SIPA1L1: variants seen among roughly 807,000 people sequenced by gnomAD.
The protein encoded by SIPA1L1 is signal-induced proliferation-associated 1-like protein 1.
Under a neutral mutation model 162.7 loss-of-function variants are expected in SIPA1L1, and 26 were observed. The observed-to-expected ratio is 0.16, with a 90% CI of 0.12 to 0.22. The LOEUF is 0.22. Ranked by LOEUF, SIPA1L1 falls within the 10% of genes least tolerant of loss-of-function variation. The pLI, the probability that SIPA1L1 is intolerant of heterozygous loss-of-function variation, is 1.00. For synonymous variants in SIPA1L1, 829 were observed against 837.4 expected, an observed-to-expected ratio of 0.99 and a Z score of 0.17; for missense variants, 1,874 against 2,241.0, an observed-to-expected ratio of 0.84 and a Z score of 3.31.
intron 2 of SIPA1L1, among the ~76,000 whole-genome samples, chr14:71,428,369 G>GT (rs2043738200): frequency 6.6e-6 from 1 of 150,818 alleles, no homozygotes; most frequent in Non-Finnish European, 1.5e-5. Context: ...TATGATTTGC[G>GT]GTTTTTTTTT....
chr14:71,442,957 A>T (rs2045028769), intron 2 of SIPA1L1, among the ~76,000 whole-genome samples: 1 of 152,122 alleles, frequency 6.6e-6, no homozygotes, highest in South Asian at 2.1e-4. Flanking sequence ...AAACAAAAAG[A>T]TTTGATAATC....
chr14:71,385,512 T>C (rs1469094125), intron 2 of SIPA1L1, among the ~76,000 whole-genome samples: 1 of 152,210 alleles, frequency 6.6e-6, no homozygotes, highest in Non-Finnish European at 1.5e-5. Context: ...CCAATAGATG[T>C]ATGCTGTGCC....
intron 2 of SIPA1L1, among the ~76,000 whole-genome samples, chr14:71,428,225 A>T (rs533418822): frequency 6.6e-6 from 1 of 151,760 alleles, no homozygotes; most frequent in African/African-American, 2.4e-5. Flanking sequence ...CGAACTCCTG[A>T]CCTCAGGTGA....
chr14:71,730,208 AACG>A lies in SIPA1L1; in HGVS notation c.4772_4774del (p.Asp1591del). ...GTCACTTCTGGACCAAGCCCTGCCCAACGACGTCCTCTTCAGTAGCACGTACCC... is the reference window on the plus strand; with the variant it reads ...GTCACTTCTGGACCAAGCCCTGCCCAACGTCCTCTTCAGTAGCACGTACCC... On this transcript the variant is annotated inframe_deletion, in exon 20 of 24. Coordinates refer to ENST00000381232, the MANE Select transcript of SIPA1L1 (RefSeq NM_001386936.1). 6.2e-7 allele frequency: 1 copy of A among 1,614,146 alleles called. No individual in the cohort carries two copies. The highest frequency in any genetic ancestry group is 8.5e-7 in the Non-Finnish European group (1 of 1,180,030).
intron 2 of SIPA1L1, among the ~76,000 whole-genome samples, chr14:71,502,697 A>C (rs1348648518): frequency 6.6e-6 from 1 of 152,138 alleles, no homozygotes; most frequent in Non-Finnish European, 1.5e-5. Flanking sequence ...TAATCCAGAG[A>C]GACTATTTTT....
intron 2 of SIPA1L1, among the ~76,000 whole-genome samples, chr14:71,425,443 A>G (rs2043494488): frequency 1.3e-5 from 2 of 151,976 alleles, no homozygotes; most frequent in Non-Finnish European, 2.9e-5. Context: ...AGTATTTTCT[A>G]ATTTCCCCTG....
intron 2 of SIPA1L1, among the ~76,000 whole-genome samples, chr14:71,511,445 T>C (rs375764451): frequency 6.6e-6 from 1 of 152,052 alleles, no homozygotes; most frequent in East Asian, 1.9e-4. Context: ...CCACCATGCC[T>C]GGCTAAATTT....
At chr14:71,372,997 C>T (rs2039029342) in intron 2 of SIPA1L1, among the ~76,000 whole-genome samples, 1 of 152,094 alleles carries the variant, frequency 6.6e-6, no homozygotes, top group South Asian at 2.1e-4. Flanking sequence ...TAACAAACAT[C>T]TAAAGGAATG....
chr14:71,389,428 T>G (rs936457352), intron 2 of SIPA1L1, among the ~76,000 whole-genome samples: 1 of 152,228 alleles, frequency 6.6e-6, no homozygotes, highest in Non-Finnish European at 1.5e-5. Flanking sequence ...TGATTGATGA[T>G]CATTGCTCAG....
chr14:71,638,607 A>G (rs1018733701), intron 7 of SIPA1L1, among the ~76,000 whole-genome samples: 1 of 152,252 alleles, frequency 6.6e-6, no homozygotes, highest in Non-Finnish European at 1.5e-5. Flanking sequence ...AGGGAAGGAT[A>G]TGTGCTGTTA....
At chr14:71,350,075 A>C (rs1490872930) in intron 2 of SIPA1L1, among the ~76,000 whole-genome samples, 1 of 152,128 alleles carries the variant, frequency 6.6e-6, no homozygotes, top group Non-Finnish European at 1.5e-5. Flanking sequence ...GAGTAAAGTG[A>C]TTATGAAAAA....
intron 5 of SIPA1L1, among the ~76,000 whole-genome samples, chr14:71,606,124 G>A (rs1381346315): frequency 6.6e-6 from 1 of 152,174 alleles, no homozygotes; most frequent in African/African-American, 2.4e-5. Flanking sequence ...GGTGGGGATG[G>A]CAGTGGCTGC....
At chr14:71,387,922 G>A (rs1464733955) in intron 2 of SIPA1L1, among the ~76,000 whole-genome samples, 1 of 152,220 alleles carries the variant, frequency 6.6e-6, no homozygotes, top group Non-Finnish European at 1.5e-5. Flanking sequence ...TGCTAAAGAT[G>A]AATCCAAGTT....
intron 2 of SIPA1L1, among the ~76,000 whole-genome samples, chr14:71,359,146 CTG>C (rs985837293): frequency 6.6e-6 from 1 of 152,160 alleles, no homozygotes; most frequent in Non-Finnish European, 1.5e-5. Context: ...TGGGAGGTAA[CTG>C]AATCATTGGG....
At chr14:71,498,826 A>G (rs1185497309) in intron 2 of SIPA1L1, among the ~76,000 whole-genome samples, 1 of 152,192 alleles carries the variant, frequency 6.6e-6, no homozygotes, top group South Asian at 2.1e-4. Flanking sequence ...ACTGTTTGTG[A>G]CTAGTCAGGA....
chr14:71,638,175 A>G (rs1458549062), intron 7 of SIPA1L1, among the ~76,000 whole-genome samples: 1 of 152,234 alleles, frequency 6.6e-6, no homozygotes, highest in Non-Finnish European at 1.5e-5. Flanking sequence ...CAGAAAATAC[A>G]AGATAAGAAA....
chr14:71,540,671 G>A (rs1282549240), intron 4 of SIPA1L1, among the ~76,000 whole-genome samples: 2 of 152,228 alleles, frequency 1.3e-5, no homozygotes, highest in Non-Finnish European at 2.9e-5. Context: ...TTTCACTGCT[G>A]AAAACATTCT....
chr14:71,737,806 C>T (rs927150736), intron 22 of SIPA1L1, among the ~76,000 whole-genome samples: 5 of 152,144 alleles, frequency 3.3e-5, no homozygotes, highest in Non-Finnish European at 7.3e-5. Context: ...GACGACCTGC[C>T]TATCACATCA....
Position 71,363,865 on chromosome 14 carries a change from G to A in SIPA1L1, c.-465+42684G>A, listed in dbSNP as rs142996222. On this transcript the variant is annotated intron_variant, in intron 2 of 23. Transcript: ENST00000381232. The stretch of plus-strand genomic sequence containing the variant: ...GTGGACCTATTTTCTTTCTAGTCCC[G>A]GGATCAGCCTTAATCAGATCCTGTA... 9.7e-4 allele frequency among the ~76,000 whole-genome samples: 148 copies of A among 152,214 alleles called. 1 individual carries two copies. In the East Asian group the frequency reaches 0.022, roughly 22 times the overall value.
Sources: allele counts gnomAD v4.1 joint callset (sites outside exome capture counted in the v4.1 genomes callset), GRCh38; gene constraint gnomAD v4.1.1; transcripts MANE v1.5; gene names NCBI Gene and HGNC (gene_info 2026-07-23, HGNC 2026-07-21).